Variants in IL6ST observed in about 807,000 individuals in gnomAD.
IL6ST encodes interleukin-6 receptor subunit beta.
Under a neutral mutation model 91.3 loss-of-function variants are expected in IL6ST, and 24 were observed. The observed-to-expected ratio is 0.26, with a 90% CI of 0.19 to 0.37. The LOEUF (loss-of-function observed/expected upper bound fraction) is 0.37. Among genes scored for constraint, IL6ST ranks in the 10% least tolerant of loss-of-function variants. The pLI is 1.00. For synonymous variants in IL6ST, 351 were observed against 373.6 expected, an observed-to-expected ratio of 0.94 and a Z score of 0.70; for missense variants, 914 against 1,078.5, an observed-to-expected ratio of 0.85 and a Z score of 2.14.
rs1004207451 is a variant in IL6ST, at chr5:55,937,120, T to C, written c.*3962A>G. 12 of 208,060 alleles carry C rather than the reference T, an allele frequency of 5.8e-5. No individual in the cohort carries two copies. Among genetic ancestry groups the C allele is most frequent in the Admixed American group, 2.4e-4 (4 of 16,914 alleles). 12.9% of individuals were successfully genotyped at this position (208,060 alleles called of 1,614,324 possible). On this transcript the variant is annotated 3_prime_UTR_variant, in exon 17 of 17. Transcript: ENST00000381298. ...TGTAGTTATCATTCAAAGCTTGTGT[T>C]CAAGAGATAAAAGAACATCATTCAG... is the stretch of plus-strand genomic sequence containing the variant.
At chr5:55,968,478 C>A in intron 4 of IL6ST, 82 bp from the exon 5 acceptor site, 10 of 1,299,172 alleles carry the variant, frequency 7.7e-6, no homozygotes, top group Non-Finnish European at 9.7e-6. Flanking sequence ...AAGGCATTTG[C>A]GATCTAAATT....
chr5:55,975,793 A>G (rs6861772), intron 3 of IL6ST, among the ~76,000 whole-genome samples: 36,595 of 152,028 alleles, frequency 0.24, 6,914 homozygotes, highest in African/African-American at 0.53. Flanking sequence ...ATTTGGGGAC[A>G]AGGACTTACA....
At position 55,952,280 on chromosome 5, in the gene IL6ST, C is replaced by G; in HGVS notation, c.1522G>C (p.Glu508Gln). 1 of 1,610,680 alleles carries G rather than the reference C, an allele frequency of 6.2e-7. No homozygotes were observed. Among genetic ancestry groups the G allele is most frequent in the Non-Finnish European group, 8.5e-7 (1 of 1,177,560 alleles). ...TGTTTAAGGTATGCCTTTATGGATT[C>G]AGGGCTTCCTGGTCCATCAGCATAT... ...PVYADGPGSP[E>Q]SIKAYLKQAP... Residue 508 changes from glutamate to glutamine, a missense_variant, in exon 12 of 17, where the codon GAA (glutamate) becomes CAA (glutamine). Glu to Gln is a conservative substitution (Grantham distance 29, BLOSUM62 2). Coordinates refer to ENST00000381298, the MANE Select transcript of IL6ST (RefSeq NM_002184.4).
intron 1 of IL6ST, among the ~76,000 whole-genome samples, chr5:55,989,391 G>A (rs750275320): frequency 1.8e-4 from 27 of 152,182 alleles, no homozygotes; most frequent in Non-Finnish European, 1.2e-4. Context: ...CATTTCATCA[G>A]ACAAAAAGAC....
At position 55,940,611 on chromosome 5, in the gene IL6ST, CTT is replaced by C; in HGVS notation, c.*469_*470del. ...TCATGTAGTTATGGCCTATGGACCT[CTT>C]TTTAAGTTATTTTAGCAGAAGTAGA... On this transcript the variant is annotated 3_prime_UTR_variant, in exon 17 of 17. Transcript: ENST00000381298. 1 of 216,562 alleles carries C rather than the reference CTT, an allele frequency of 4.6e-6. No homozygotes were observed. The highest frequency in any genetic ancestry group is 9.3e-6 in the Non-Finnish European group (1 of 107,622). 13.4% of individuals were successfully genotyped at this position (216,562 alleles called of 1,614,324 possible). A position where few individuals can be genotyped will look rare whatever the true frequency, so the allele number is the denominator to read the frequency against.
intron 3 of IL6ST, among the ~76,000 whole-genome samples, chr5:55,972,029 C>G (rs949939924): frequency 1.3e-5 from 2 of 152,174 alleles, no homozygotes; most frequent in African/African-American, 4.8e-5. Flanking sequence ...CTAAGTTACT[C>G]TCTGATACTG....
chr5:55,961,758 CAA>C (rs539670850), intron 7 of IL6ST, among the ~76,000 whole-genome samples: 28 of 110,366 alleles, frequency 2.5e-4, no homozygotes, highest in Admixed American at 2.9e-4. Context: ...AACTCCATCT[CAA>C]AAAAAAAAAA....
intron 14 of IL6ST, among the ~76,000 whole-genome samples, chr5:55,950,001 G>A (rs1489562143): frequency 2.6e-5 from 4 of 152,210 alleles, no homozygotes; most frequent in African/African-American, 9.7e-5. Flanking sequence ...TGGGGGCAAT[G>A]CACTAAGAAA....
rs200800032 is a variant in IL6ST, at chr5:55,940,152, TAC to T, written c.*928_*929del. 16,677 of 199,292 alleles carry T rather than the reference TAC, an allele frequency of 0.084. 2,224 individuals carry two copies. Among genetic ancestry groups the T allele is most frequent in the African/African-American group, 0.32 (13,650 of 42,886 alleles). 12.3% of individuals were successfully genotyped at this position (199,292 alleles called of 1,614,324 possible). A position where few individuals can be genotyped will look rare whatever the true frequency, so the allele number is the denominator to read the frequency against. On this transcript the variant is annotated 3_prime_UTR_variant, in exon 17 of 17. Coordinates refer to ENST00000381298, the MANE Select transcript of IL6ST (RefSeq NM_002184.4). Reference sequence around the variant, plus strand: ...GTGTGTGTATATATATATATATATATACACACATTAGCAATTTAAGCCTTTTA... The same window carrying T: ...GTGTGTGTATATATATATATATATATACACATTAGCAATTTAAGCCTTTTA...
chr5:55,964,076 TA>T, intron 6 of IL6ST, 69 bp downstream of exon 6: 1 of 733,022 alleles, frequency 1.4e-6, no homozygotes, highest in Non-Finnish European at 2.1e-6. Context: ...AAAATCTAAA[TA>T]TAAAAACTAC....
At chr5:55,963,686 A>T (rs904750639) in intron 6 of IL6ST, among the ~76,000 whole-genome samples, 180 bp from the exon 7 acceptor site, 1 of 152,140 alleles carries the variant, frequency 6.6e-6, no homozygotes, top group Non-Finnish European at 1.5e-5. Flanking sequence ...AAGATTTCTA[A>T]AGAATCTTCA....
chr5:55,956,048 G>T lies in IL6ST; in HGVS notation c.1244C>A (p.Thr415Asn). The change falls in exon 10 of 17, where the codon ACT becomes AAT. Residue 415 changes from threonine (T) to asparagine (N), a missense_variant. Thr to Asn is a moderately conservative substitution (Grantham distance 65). Transcript: ENST00000381298. ...LVGKSDAAVL[T>N]IPACDFQATH... ...ACCTTGAAAGTCACAGGCAGGGATA[G>T]TTAAAACAGCTGCATCTGATTTGCC... The T allele has an allele frequency of 6.2e-7, 1 of 1,613,250 alleles. No individual in the cohort carries two copies. The highest frequency in any genetic ancestry group is 8.5e-7 in the Non-Finnish European group (1 of 1,179,224).
intron 1 of IL6ST, among the ~76,000 whole-genome samples, chr5:55,985,321 G>A (rs1202479859): frequency 6.6e-6 from 1 of 151,960 alleles, no homozygotes; most frequent in Admixed American, 6.6e-5. Context: ...TTCGAGACCA[G>A]CCTGGGTATA....
intron 9 of IL6ST, among the ~76,000 whole-genome samples, chr5:55,956,461 G>A (rs112577615): frequency 3.9e-5 from 6 of 152,214 alleles, no homozygotes; most frequent in African/African-American, 1.2e-4. Flanking sequence ...GCATCATTCC[G>A]TTAGCTTTTG....
In IL6ST at chr5:55,980,405, C is replaced by T. The variant is rs552765588; in HGVS notation, c.-16+2319G>A. On this transcript the variant is annotated intron_variant, in intron 2 of 16. Coordinates refer to ENST00000381298, the MANE Select transcript of IL6ST (RefSeq NM_002184.4). Reference sequence around the variant, plus strand: ...TCCATACTAAAAATACAAAAAGTAGCTGGGCGTGGTGGTGGGCACCTGTAA... The same window carrying T: ...TCCATACTAAAAATACAAAAAGTAGTTGGGCGTGGTGGTGGGCACCTGTAA... Among the ~76,000 whole-genome samples, 4 of 152,204 alleles carry T rather than the reference C, an allele frequency of 2.6e-5. No individual in the cohort carries two copies. The East Asian group carries it at 5.8e-4, about 22-fold the overall frequency.
At chr5:55,953,796 C>T (rs1233023946) in intron 11 of IL6ST, among the ~76,000 whole-genome samples, 2 of 152,152 alleles carry the variant, frequency 1.3e-5, no homozygotes, top group Non-Finnish European at 2.9e-5. Context: ...GGAGATCAGC[C>T]TTTGCAACAC....
intron 1 of IL6ST, among the ~76,000 whole-genome samples, chr5:55,986,101 TAG>T (rs1244959918): frequency 6.6e-6 from 1 of 152,250 alleles, no homozygotes; most frequent in Non-Finnish European, 1.5e-5. Flanking sequence ...CTGCTGCTGG[TAG>T]AGTGTTACAT....
At position 55,965,701 on chromosome 5, in the gene IL6ST, G is replaced by A. The variant is rs559949013; in HGVS notation, c.492-1389C>T. Among the ~76,000 whole-genome samples, 62 of 151,378 alleles carry A rather than the reference G, an allele frequency of 4.1e-4. No homozygotes were observed. In the South Asian group the frequency reaches 9.2e-3, roughly 22 times the overall value. On this transcript the variant is annotated intron_variant, in intron 5 of 16. Coordinates refer to ENST00000381298, the MANE Select transcript of IL6ST (RefSeq NM_002184.4). ...AAGGCTAAGGAAGTTGTGTCAAGAC[G>A]ATGAATGAGCCGGGCGGGGTGGTGG...
At chr5:55,961,749 ACTC>A (rs1311486505) in intron 7 of IL6ST, among the ~76,000 whole-genome samples, 3 of 148,140 alleles carry the variant, frequency 2.0e-5, no homozygotes, top group Non-Finnish European at 4.4e-5. Context: ...CAAGAGCTAA[ACTC>A]CATCTCAAAA....
Sources: gnomAD v4.1 joint callset for allele counts (sites outside exome capture counted in the v4.1 genomes callset) on GRCh38, gnomAD v4.1.1 for gene constraint, MANE v1.5 for transcripts, NCBI Gene and HGNC (gene_info 2026-07-23, HGNC 2026-07-21) for gene names.